The following TCERG1L variants were observed in gnomAD, a reference collection of about 807,000 sequenced individuals.
TCERG1L encodes transcription elongation regulator 1 like.
A neutral mutation model predicts 56.3 loss-of-function variants in TCERG1L; 37 were observed. The observed-to-expected ratio is 0.66, with a 90% CI of 0.51 to 0.87. TCERG1L has a LOEUF of 0.87. TCERG1L is among the 40% of genes least tolerant of loss of function. The probability of loss-of-function intolerance (pLI) is 0.00; values close to 1 mark genes in which losing one functional copy is unlikely to be tolerated. For missense variants in TCERG1L, 799 were observed against 774.2 expected (o/e 1.03, Z -0.38); for synonymous variants, 324 against 326.3 (o/e 0.99, Z 0.08).
chr10:131,211,407 G>A (rs1184615742), intron 4 of TCERG1L, among the ~76,000 whole-genome samples: 1 of 152,236 alleles, frequency 6.6e-6, no homozygotes, highest in African/African-American at 2.4e-5. Context: ...GTGTGGCAAA[G>A]GGCTTCCTAC....
At chr10:131,146,301 G>A (rs4282914) in intron 7 of TCERG1L, among the ~76,000 whole-genome samples, 6,933 of 152,318 alleles carry the variant, frequency 0.046, 185 homozygotes, top group Middle Eastern at 0.16. Context: ...CAAAAAGACA[G>A]CCAGAGCCGA....
intron 6 of TCERG1L, among the ~76,000 whole-genome samples, chr10:131,159,049 A>T (rs1845951588): frequency 6.6e-6 from 1 of 152,206 alleles, no homozygotes; most frequent in Non-Finnish European, 1.5e-5. Context: ...CCCCGAGCAC[A>T]AGACCTTTCC....
In TCERG1L at chr10:131,269,175, A is replaced by G. The variant is rs536329504; in HGVS notation, c.671-8731T>C. On this transcript the variant is annotated intron_variant, in intron 3 of 11. Coordinates refer to ENST00000368642, the MANE Select transcript of TCERG1L (RefSeq NM_174937.4). ...GCCATTGTAAGGGATTAATTGATAC[A>G]ATTTCTATTTGTTTGTTTGTTTGTT... 1.3e-4 allele frequency among the ~76,000 whole-genome samples: 8 copies of G among 60,558 alleles called. No homozygotes were observed. In the South Asian group the frequency reaches 3.9e-3, roughly 30 times the overall value. The allele number at this position is 60,558 out of a possible 152,430, so 39.7% of individuals were successfully genotyped here.
intron 5 of TCERG1L, among the ~76,000 whole-genome samples, chr10:131,165,358 G>A (rs1166597283): frequency 1.3e-5 from 2 of 152,026 alleles, no homozygotes; most frequent in Non-Finnish European, 2.9e-5. Flanking sequence ...AGGAAGGGGT[G>A]GTCTCTTTAC....
chr10:131,127,505 C>T (rs1484299785), intron 8 of TCERG1L, among the ~76,000 whole-genome samples: 1 of 152,180 alleles, frequency 6.6e-6, no homozygotes, highest in African/African-American at 2.4e-5. Context: ...CCAGGAAGTT[C>T]GAAAGGGCAG....
At chr10:131,244,828 A>C (rs1456075444) in intron 4 of TCERG1L, among the ~76,000 whole-genome samples, 2 of 152,186 alleles carry the variant, frequency 1.3e-5, no homozygotes, top group African/African-American at 4.8e-5. Context: ...CAGGGAGAGA[A>C]GACATCAGCA....
chr10:131,163,102 C>G lies in TCERG1L; in HGVS notation c.1034+20G>C, dbSNP rs375514917. 10 of 1,532,954 alleles carry G rather than the reference C, an allele frequency of 6.5e-6. No individual in the cohort carries two copies. Among genetic ancestry groups the G allele is most frequent in the South Asian group, 5.1e-5 (4 of 78,408 alleles). 95.0% of individuals were successfully genotyped at this position (1,532,954 alleles called of 1,614,324 possible). A position where few individuals can be genotyped will look rare whatever the true frequency, so the allele number is the denominator to read the frequency against. The stretch of plus-strand genomic sequence containing the variant: ...AGACAACGCCATTGCTAGTGGCTCT[C>G]AGGCTTTGGGGTGTCTTACCAGGGG... On this transcript the variant is annotated intron_variant, in intron 6 of 11. Transcript: ENST00000368642.
At chr10:131,269,735 G>A (rs1378482783) in intron 3 of TCERG1L, among the ~76,000 whole-genome samples, 1 of 152,174 alleles carries the variant, frequency 6.6e-6, no homozygotes, top group Non-Finnish European at 1.5e-5. Context: ...AACACTGAGA[G>A]TTCCCAGAAT....
chr10:131,281,483 C>T (rs144091866), intron 3 of TCERG1L, among the ~76,000 whole-genome samples: 176 of 152,258 alleles, frequency 1.2e-3, no homozygotes, highest in African/African-American at 4.1e-3. Flanking sequence ...TGAGCACCAC[C>T]TTGTCCATAT....
At chr10:131,164,365 CA>C (rs1291920280) in intron 5 of TCERG1L, among the ~76,000 whole-genome samples, 1 of 152,082 alleles carries the variant, frequency 6.6e-6, no homozygotes, top group East Asian at 1.9e-4. Context: ...CTCCTTTAGC[CA>C]TATGGATGTA....
In TCERG1L at chr10:131,311,170, TG is replaced by T; in HGVS notation, c.342+123del. On this transcript the variant is annotated intron_variant, in intron 1 of 11. Transcript: ENST00000368642. This position sits in a 1 kb window ranked among gnomAD's most constrained non-coding sequence, Gnocchi z 4.0. ...GCTGCCGGGCTCCGTCCTGAGGGTTTGGGGCGGCGAGGACCGCCGGGGAGGA... is the reference window on the plus strand; with the variant it reads ...GCTGCCGGGCTCCGTCCTGAGGGTTTGGGCGGCGAGGACCGCCGGGGAGGA... 1 of 740,934 alleles carries T rather than the reference TG, an allele frequency of 1.3e-6. No homozygotes were observed. Among genetic ancestry groups the T allele is most frequent in the Non-Finnish European group, 1.8e-6 (1 of 562,072 alleles). 45.9% of individuals were successfully genotyped at this position (740,934 alleles called of 1,614,324 possible).
chr10:131,146,263 A>C (rs902188851), intron 7 of TCERG1L, among the ~76,000 whole-genome samples: 1 of 152,224 alleles, frequency 6.6e-6, no homozygotes, highest in African/African-American at 2.4e-5. Flanking sequence ...ATGAATGGCC[A>C]TCTCTGCGTT....
chr10:131,099,097 T>C (rs932824857), intron 10 of TCERG1L, among the ~76,000 whole-genome samples: 45 of 152,204 alleles, frequency 3.0e-4, no homozygotes, highest in Non-Finnish European at 1.5e-4. Flanking sequence ...CCAGGAGGCC[T>C]GACCCTCGGG....
At chr10:131,276,361 A>G (rs1846393467) in intron 3 of TCERG1L, among the ~76,000 whole-genome samples, 1 of 152,232 alleles carries the variant, frequency 6.6e-6, no homozygotes, top group Admixed American at 6.5e-5. Context: ...CCTTGAGAGG[A>G]GGACAGAAGC....
At chr10:131,281,850 CT>C (rs1761880086) in intron 3 of TCERG1L, among the ~76,000 whole-genome samples, 1 of 143,582 alleles carries the variant, frequency 7.0e-6, no homozygotes, top group African/African-American at 2.6e-5. Flanking sequence ...AATGAAAACC[CT>C]TCTGGCCGGG....
At chr10:131,097,629 G>A (rs1589773646) in intron 11 of TCERG1L, among the ~76,000 whole-genome samples, 1 of 152,184 alleles carries the variant, frequency 6.6e-6, no homozygotes, top group African/African-American at 2.4e-5. Context: ...TTATAGGCGT[G>A]AGCCACCGCG....
chr10:131,173,417 GA>G (rs1420011163), intron 4 of TCERG1L, among the ~76,000 whole-genome samples: 1 of 152,158 alleles, frequency 6.6e-6, no homozygotes, highest in African/African-American at 2.4e-5. Flanking sequence ...AAAATAAGGG[GA>G]AAATGCAATT....
At chr10:131,120,914 A>C (rs1845506117) in intron 8 of TCERG1L, among the ~76,000 whole-genome samples, 1 of 152,198 alleles carries the variant, frequency 6.6e-6, no homozygotes, top group African/African-American at 2.4e-5. Context: ...TGTAGCTGGA[A>C]CAAGGAGCTC....
At chr10:131,178,298 A>G (rs114935364) in intron 4 of TCERG1L, among the ~76,000 whole-genome samples, 4,950 of 152,056 alleles carry the variant, frequency 0.033, 169 homozygotes, top group South Asian at 0.085. Flanking sequence ...AAGGAAGCCG[A>G]CTAGCGCGGG....
Sources: gnomAD v4.1 joint callset for allele counts (sites outside exome capture counted in the v4.1 genomes callset) on GRCh38, gnomAD v4.1.1 for gene constraint, Gnocchi (gnomAD v3.1) non-coding constraint, MANE v1.5 for transcripts, NCBI Gene and HGNC (gene_info 2026-07-23, HGNC 2026-07-21) for gene names.